The following RAB28 variants were observed in gnomAD, a reference collection of about 807,000 sequenced individuals.
RAB28 encodes the protein RAB28, member RAS oncogene family.
Under a neutral mutation model 31.7 loss-of-function variants are expected in RAB28, and 24 were observed. The observed-to-expected ratio is 0.76, with a 90% CI of 0.55 to 1.06. RAB28 has a LOEUF of 1.06. Among genes scored for constraint, RAB28 ranks in the 50% least tolerant of loss-of-function variants. RAB28 has a pLI of 0.00. For synonymous variants in RAB28, 100 were observed against 90.4 expected (o/e 1.11, Z -0.60); for missense variants, 254 against 258.5 (o/e 0.98, Z 0.12).
chr4:13,419,808 TAAAATCAACACCC>T, intron 4 of RAB28, among the ~76,000 whole-genome samples: 1 of 152,194 alleles, frequency 6.6e-6, no homozygotes, highest in Non-Finnish European at 1.5e-5. Context: ...AGGAAAGATC[TAAAATCAACACCC>T]TAACATCACA....
intron 4 of RAB28, among the ~76,000 whole-genome samples, chr4:13,433,684 T>C (rs1312077109): frequency 6.6e-6 from 1 of 151,780 alleles, no homozygotes; most frequent in African/African-American, 2.4e-5. Context: ...TGCAGACAAA[T>C]GGAAACACTT....
rs568471567 is a variant in RAB28 at position 13,484,220 on chromosome 4, G to T, written c.-70C>A. The T allele has an allele frequency of 3.1e-6, 4 of 1,287,180 alleles. No individual in the cohort carries two copies. The African/African-American group carries it at 4.4e-5, about 14-fold the overall frequency. The allele number at this position is 1,287,180 out of a possible 1,614,324, so 79.7% of individuals were successfully genotyped here. A position where few individuals can be genotyped will look rare whatever the true frequency, so the allele number is the denominator to read the frequency against. ...GGAAGGATGAAGGCTCCGGGGGCGG[G>T]GGAGAGGAGGAAGGGAGGTAGTTGC... is the stretch of plus-strand genomic sequence containing the variant. On this transcript the variant is annotated 5_prime_UTR_variant, in exon 1 of 7. Coordinates refer to ENST00000330852, the MANE Select transcript of RAB28 (RefSeq NM_001017979.3).
chr4:13,379,944 T>C (rs1335667571), intron 5 of RAB28, among the ~76,000 whole-genome samples: 4 of 152,116 alleles, frequency 2.6e-5, no homozygotes, highest in Non-Finnish European at 4.4e-5. Flanking sequence ...AGTTTTTTAA[T>C]AGTGGTTCAA....
chr4:13,378,004 T>C (rs1034075631), intron 5 of RAB28, among the ~76,000 whole-genome samples: 2 of 152,130 alleles, frequency 1.3e-5, no homozygotes, highest in Admixed American at 6.6e-5. Context: ...GTTCTAAACA[T>C]GTTAAATTGG....
chr4:13,466,468 G>A (rs563864398), intron 3 of RAB28, among the ~76,000 whole-genome samples: 1 of 151,958 alleles, frequency 6.6e-6, no homozygotes, highest in South Asian at 2.1e-4. Context: ...CATCATCAGA[G>A]AAATGCAAAT....
chr4:13,412,626 T>C (rs1391548975), intron 4 of RAB28, among the ~76,000 whole-genome samples: 1 of 151,210 alleles, frequency 6.6e-6, no homozygotes, highest in Admixed American at 6.6e-5. Flanking sequence ...CACTAAAAAG[T>C]GAAGAATAAT....
rs907185362 is a variant in RAB28 at position 13,437,263 on chromosome 4, A to G, written c.391+23436T>C. ...TAAGACCTCAAACTATAAAAATCCT[A>G]GAAGAAACTATAGGTAAAACCCTCC... On this transcript the variant is annotated intron_variant, in intron 4 of 6. Coordinates refer to ENST00000330852, the MANE Select transcript of RAB28 (RefSeq NM_001017979.3). 4.1e-4 allele frequency among the ~76,000 whole-genome samples: 63 copies of G among 152,154 alleles called. 2 individuals are homozygous for G.
intron 6 of RAB28, chr4:13,370,840 T>C: frequency 9.4e-6 from 9 of 962,152 alleles, no homozygotes; most frequent in Non-Finnish European, 1.1e-5. Flanking sequence ...ATCTAAGAGT[T>C]TTACTAAATA....
At chr4:13,432,629 C>T (rs757738469) in intron 4 of RAB28, among the ~76,000 whole-genome samples, 19 of 152,092 alleles carry the variant, frequency 1.2e-4, no homozygotes, top group Non-Finnish European at 2.4e-4. Context: ...GAGACTGGGG[C>T]CTATTTTTAG....
intron 4 of RAB28, among the ~76,000 whole-genome samples, chr4:13,433,978 G>A (rs1273727859): frequency 6.6e-6 from 1 of 152,066 alleles, no homozygotes; most frequent in East Asian, 1.9e-4. Context: ...CTCCTATGCA[G>A]CCATAAAAAA....
At chr4:13,455,325 G>A (rs966103148) in intron 4 of RAB28, among the ~76,000 whole-genome samples, 1 of 152,202 alleles carries the variant, frequency 6.6e-6, no homozygotes, top group African/African-American at 2.4e-5. Flanking sequence ...CAGTTTGGCT[G>A]GCTCAAGGGC....
Position 13,484,312 on chromosome 4 carries a change from G to A in RAB28, c.-162C>T, listed in dbSNP as rs1716771266. The A allele has an allele frequency of 2.6e-5, 16 of 617,410 alleles. No individual in the cohort carries two copies. The highest frequency in any genetic ancestry group is 8.9e-5 in the South Asian group (5 of 55,874). The allele number at this position is 617,410 out of a possible 1,614,324, so 38.2% of individuals were successfully genotyped here. A position where few individuals can be genotyped will look rare whatever the true frequency, so the allele number is the denominator to read the frequency against. On this transcript the variant is annotated 5_prime_UTR_variant, in exon 1 of 7. Transcript: ENST00000330852. ...ATTCGAGGAGAATCACTCGGCAAGC[G>A]CCATCTTGCCCACCTCCCCGCCCTC...
At chr4:13,410,441 G>A (rs2076589857) in intron 4 of RAB28, among the ~76,000 whole-genome samples, 2 of 152,062 alleles carry the variant, frequency 1.3e-5, no homozygotes, top group East Asian at 3.9e-4. Context: ...TACACTCAGG[G>A]TGAAATATAT....
At chr4:13,387,092 A>G (rs1386814838) in intron 4 of RAB28, among the ~76,000 whole-genome samples, 22 of 152,012 alleles carry the variant, frequency 1.4e-4, no homozygotes, top group Admixed American at 1.0e-3. Context: ...GTGGCCTACA[A>G]GAGGATGGAG....
intron 4 of RAB28, among the ~76,000 whole-genome samples, chr4:13,446,207 C>A (rs967098226): frequency 6.6e-6 from 1 of 152,158 alleles, no homozygotes; most frequent in Non-Finnish European, 1.5e-5. Context: ...ATGGCGGTAG[C>A]CCCTCCCCCA....
At chr4:13,449,418 A>C (rs1453510468) in intron 4 of RAB28, among the ~76,000 whole-genome samples, 1 of 151,938 alleles carries the variant, frequency 6.6e-6, no homozygotes, top group Non-Finnish European at 1.5e-5. Context: ...AAGCCTGCTG[A>C]TAATTGTATT....
At chr4:13,392,069 C>T (rs910973426) in intron 4 of RAB28, among the ~76,000 whole-genome samples, 1 of 152,014 alleles carries the variant, frequency 6.6e-6, no homozygotes. Flanking sequence ...TGCACATGTA[C>T]CCTAGAACTT....
intron 4 of RAB28, among the ~76,000 whole-genome samples, chr4:13,438,794 C>T (rs1446357418): frequency 6.6e-6 from 1 of 151,126 alleles, no homozygotes; most frequent in African/African-American, 2.5e-5. Context: ...AGGAGTAGAA[C>T]TGTTAGGTCA....
At chr4:13,479,581 T>C in intron 1 of RAB28, 55 bp from the exon 2 acceptor site, 1 of 1,134,644 alleles carries the variant, frequency 8.8e-7, no homozygotes, top group Non-Finnish European at 1.3e-6. Context: ...AATGTAATCA[T>C]AAGACCACTA....
Sources: allele counts gnomAD v4.1 joint callset (sites outside exome capture counted in the v4.1 genomes callset), GRCh38; gene constraint gnomAD v4.1.1; transcripts MANE v1.5; gene names NCBI Gene and HGNC (gene_info 2026-07-23, HGNC 2026-07-21).